FUT8: variants seen among roughly 807,000 people sequenced by gnomAD.
FUT8 encodes the protein alpha-(1,6)-fucosyltransferase.
In FUT8, 29 loss-of-function variants were observed where a neutral mutation model predicts 71.3. That is an observed-to-expected ratio of 0.41 (90% CI 0.30 to 0.55). FUT8 has a LOEUF of 0.55. Ranked by LOEUF, FUT8 falls within the 20% of genes least tolerant of loss-of-function variation. FUT8 has a pLI of 0.34. For missense variants in FUT8, 544 were observed against 702.1 expected (o/e 0.77, Z 2.55); for synonymous variants, 254 against 239.3 (o/e 1.06, Z -0.57).
Position 65,652,121 on chromosome 14 carries a change from C to T in FUT8, c.598-17122C>T, listed in dbSNP as rs1891438580. Among the ~76,000 whole-genome samples, 1 of 152,144 alleles carries T rather than the reference C, an allele frequency of 6.6e-6. No homozygotes were observed. Among genetic ancestry groups the T allele is most frequent in the South Asian group, 2.1e-4 (1 of 4,808 alleles). ...ACATGGAACAACTTCTTCCTTAGAG[C>T]CTCCAGAAGAAGCCAACCCTGCCAA... On this transcript the variant is annotated intron_variant, in intron 6 of 10. Transcript: ENST00000673929. The surrounding 1 kb of genome is among the most constrained non-coding windows in gnomAD (Gnocchi z 4.0).
At chr14:65,563,668 T>G (rs1194721033) in intron 3 of FUT8, among the ~76,000 whole-genome samples, 6 of 152,010 alleles carry the variant, frequency 3.9e-5, no homozygotes, top group African/African-American at 1.4e-4. Flanking sequence ...CCCTTAACAA[T>G]TTAGACTTAT....
At chr14:65,742,046 A>G (rs755258266) in intron 10 of FUT8, 47 bp from the exon 11 acceptor site, 2 of 1,506,654 alleles carry the variant, frequency 1.3e-6, no homozygotes, top group African/African-American at 2.8e-5. Context: ...ATTGCTGTGA[A>G]GGAGAGTGTT....
Position 65,439,987 on chromosome 14 carries a change from T to TATATATACAC in FUT8, c.-325-15630_-325-15629insATACACATAT, listed in dbSNP as rs1358951833. Among the ~76,000 whole-genome samples, 251 of 138,078 alleles carry TATATATACAC rather than the reference T, an allele frequency of 1.8e-3. 2 individuals are homozygous for TATATATACAC. The highest frequency in any genetic ancestry group is 6.6e-3 in the African/African-American group (247 of 37,480). 90.6% of individuals were successfully genotyped at this position (138,078 alleles called of 152,430 possible). On this transcript the variant is annotated intron_variant, in intron 1 of 10. Transcript: ENST00000673929. ...ATATATATATATATATATATATATA[T>TATATATACAC]ATATGTACACACACACAGTGGAATA... is the stretch of plus-strand genomic sequence containing the variant.
chr14:65,513,928 G>A (rs1882532068), intron 2 of FUT8, among the ~76,000 whole-genome samples: 1 of 152,216 alleles, frequency 6.6e-6, no homozygotes. Flanking sequence ...TGCATGCACA[G>A]TGAGTTAACA....
chr14:65,703,625 C>T (rs1894422205), intron 7 of FUT8, among the ~76,000 whole-genome samples: 1 of 152,226 alleles, frequency 6.6e-6, no homozygotes, highest in Non-Finnish European at 1.5e-5. Flanking sequence ...CTCCACACCC[C>T]ATCATCTTTC....
At chr14:65,504,551 T>A (rs926526122) in intron 2 of FUT8, among the ~76,000 whole-genome samples, 48 of 152,200 alleles carry the variant, frequency 3.2e-4, no homozygotes, top group Admixed American at 1.5e-3. Context: ...AAGACTTTTT[T>A]AAATATATTG....
At chr14:65,435,129 C>T (rs1471769834) in intron 1 of FUT8, among the ~76,000 whole-genome samples, 2 of 152,208 alleles carry the variant, frequency 1.3e-5, no homozygotes, top group Non-Finnish European at 2.9e-5. Context: ...CACAGATGCT[C>T]AGGTCCCTTA....
chr14:65,575,582 T>TCCTTCCTTCCTTCCTTCCTTCCTTCCTTC lies in FUT8; in HGVS notation c.203+13817_203+13818insCTTCCTTCCTTCCTTCCTTCCTTCCTTCC, dbSNP rs35174023. Among the ~76,000 whole-genome samples the TCCTTCCTTCCTTCCTTCCTTCCTTCCTTC allele has an allele frequency of 4.8e-4, 35 of 72,776 alleles. 1 individual carries two copies. Among genetic ancestry groups the TCCTTCCTTCCTTCCTTCCTTCCTTCCTTC allele is most frequent in the East Asian group, 9.7e-4 (3 of 3,078 alleles). The allele number at this position is 72,776 out of a possible 152,430, so 47.7% of individuals were successfully genotyped here. A position where few individuals can be genotyped will look rare whatever the true frequency, so the allele number is the denominator to read the frequency against. On this transcript the variant is annotated intron_variant, in intron 3 of 10. Coordinates refer to ENST00000673929, the MANE Select transcript of FUT8 (RefSeq NM_001371533.1). Reference sequence around the variant, plus strand: ...TCCCTCCCTTCTTTCCTTCCTTCCTTCTTCCTTCCTTCCTTCCTTCCTTCC... The same window carrying TCCTTCCTTCCTTCCTTCCTTCCTTCCTTC: ...TCCCTCCCTTCTTTCCTTCCTTCCTTCCTTCCTTCCTTCCTTCCTTCCTTCCTTCCTTCCTTCCTTCCTTCCTTCCTTCC...
the FUT8 span, among the ~76,000 whole-genome samples, chr14:65,378,654 A>C: frequency 6.6e-6 from 1 of 151,836 alleles, no homozygotes; most frequent in Non-Finnish European, 1.5e-5. Flanking sequence ...TCACATTAAT[A>C]CTCCCTCATT....
intron 2 of FUT8, among the ~76,000 whole-genome samples, chr14:65,530,560 T>A (rs1883874267): frequency 6.6e-6 from 1 of 152,204 alleles, no homozygotes; most frequent in Admixed American, 6.5e-5. Context: ...ATTTCATTTT[T>A]AAATGTTATT....
At chr14:65,580,854 C>T (rs1010680840) in intron 3 of FUT8, among the ~76,000 whole-genome samples, 2 of 152,062 alleles carry the variant, frequency 1.3e-5, no homozygotes, top group Non-Finnish European at 2.9e-5. Flanking sequence ...TAATCTGAAT[C>T]AGCCCCTAGA....
chr14:65,379,133 C>G, the FUT8 span, among the ~76,000 whole-genome samples: 4 of 152,014 alleles, frequency 2.6e-5, no homozygotes, highest in African/African-American at 9.7e-5. Context: ...ATGCGTGAGC[C>G]ACCTCTCTCG....
intron 2 of FUT8, among the ~76,000 whole-genome samples, chr14:65,491,709 CTTAATA>C (rs1566782015): frequency 1.3e-5 from 2 of 151,866 alleles, no homozygotes; most frequent in African/African-American, 4.8e-5. Context: ...TTAAGTATAA[CTTAATA>C]ATTATGTGAG....
intron 2 of FUT8, among the ~76,000 whole-genome samples, chr14:65,543,803 T>A (rs959221799): frequency 1.3e-5 from 2 of 152,162 alleles, no homozygotes; most frequent in African/African-American, 4.8e-5. Context: ...CTCTTAAAAT[T>A]AAGAGACAGA....
At chr14:65,537,544 C>A (rs967424383) in intron 2 of FUT8, among the ~76,000 whole-genome samples, 1 of 152,004 alleles carries the variant, frequency 6.6e-6, no homozygotes, top group Admixed American at 6.5e-5. Context: ...CCTGCCACCA[C>A]GCCCGGCTAA....
chr14:65,551,533 C>A (rs539595728), intron 2 of FUT8, among the ~76,000 whole-genome samples: 2 of 152,006 alleles, frequency 1.3e-5, no homozygotes, highest in African/African-American at 4.8e-5. Context: ...ATAGATCTTA[C>A]GTAAAGTATT....
intron 3 of FUT8, among the ~76,000 whole-genome samples, chr14:65,582,433 A>C (rs567206958): frequency 6.6e-6 from 1 of 152,178 alleles, no homozygotes; most frequent in African/African-American, 2.4e-5. Context: ...TTAAGCCTTT[A>C]TGCTGAACAA....
chr14:65,621,253 T>TG (rs1291005737), intron 5 of FUT8, among the ~76,000 whole-genome samples: 1 of 152,094 alleles, frequency 6.6e-6, no homozygotes, highest in African/African-American at 2.4e-5. Context: ...CTGTTTTTTT[T>TG]TTTGTTTTGT....
At chr14:65,538,835 G>A (rs1410286266) in intron 2 of FUT8, among the ~76,000 whole-genome samples, 3 of 152,250 alleles carry the variant, frequency 2.0e-5, no homozygotes, top group Admixed American at 2.0e-4. Context: ...CAGGAGAATT[G>A]CTTGAACCCT....
Sources: allele counts gnomAD v4.1 joint callset (sites outside exome capture counted in the v4.1 genomes callset), GRCh38; gene constraint gnomAD v4.1.1; non-coding constraint Gnocchi (gnomAD v3.1); transcripts MANE v1.5; gene names NCBI Gene and HGNC (gene_info 2026-07-23, HGNC 2026-07-21).